Variants in ETV6 observed in about 807,000 individuals in gnomAD.
ETV6 encodes the protein ETS variant transcription factor 6.
ETV6 carries 16 observed loss-of-function variants against 51.1 expected under a neutral mutation model. That is an observed-to-expected ratio of 0.31 (90% CI 0.21 to 0.48). ETV6 has a LOEUF of 0.48. ETV6 is among the 20% of genes least tolerant of loss of function. The probability of loss-of-function intolerance (pLI) is 0.99; values close to 1 mark genes in which losing one functional copy is unlikely to be tolerated. For synonymous variants in ETV6, 240 were observed against 224.1 expected (o/e 1.07, Z -0.64); for missense variants, 458 against 594.8 (o/e 0.77, Z 2.39).
At chr12:11,678,083 A>G (rs1001775738) in intron 1 of ETV6, among the ~76,000 whole-genome samples, 2 of 152,174 alleles carry the variant, frequency 1.3e-5, no homozygotes, top group African/African-American at 4.8e-5. Context: ...CCAGCACTTG[A>G]CACATGGCTG....
At chr12:11,737,692 TG>T (rs2121004109) in intron 1 of ETV6, among the ~76,000 whole-genome samples, 1 of 152,354 alleles carries the variant, frequency 6.6e-6, no homozygotes, top group African/African-American at 2.4e-5. Context: ...CATCGGTCTT[TG>T]AACCTAGGTC....
chr12:11,662,845 G>A (rs1032948934), intron 1 of ETV6, among the ~76,000 whole-genome samples: 28 of 152,294 alleles, frequency 1.8e-4, no homozygotes, highest in African/African-American at 6.7e-4. Context: ...TCTTCCTAGG[G>A]TCTCATATTA....
intron 2 of ETV6, among the ~76,000 whole-genome samples, chr12:11,809,045 G>T (rs775366711): frequency 6.6e-6 from 1 of 151,994 alleles, no homozygotes; most frequent in Non-Finnish European, 1.5e-5. Context: ...CGCGCCTGTA[G>T]TCCCAGCTTC....
At chr12:11,830,488 T>C (rs77696646) in intron 2 of ETV6, among the ~76,000 whole-genome samples, 1,811 of 152,316 alleles carry the variant, frequency 0.012, 35 homozygotes, top group African/African-American at 0.041. Context: ...GCAGAATAGA[T>C]GATGGCATGA....
intron 1 of ETV6, among the ~76,000 whole-genome samples, chr12:11,739,728 G>A (rs138404158): frequency 1.6e-3 from 241 of 152,240 alleles, no homozygotes; most frequent in African/African-American, 5.7e-3. Context: ...TGGCCACATT[G>A]AGTTAGGTGT....
chr12:11,768,018 G>A (rs1945187499), intron 2 of ETV6, among the ~76,000 whole-genome samples: 1 of 152,108 alleles, frequency 6.6e-6, no homozygotes, highest in African/African-American at 2.4e-5. Context: ...GGAACACTCA[G>A]GATATTTCCA....
chr12:11,685,218 C>A (rs1245230943), intron 1 of ETV6, among the ~76,000 whole-genome samples: 1 of 149,952 alleles, frequency 6.7e-6, no homozygotes. Context: ...CTTAACTTTT[C>A]AACAGGGTAA....
At chr12:11,669,946 C>A (rs1477112242) in intron 1 of ETV6, among the ~76,000 whole-genome samples, 1 of 151,152 alleles carries the variant, frequency 6.6e-6, no homozygotes, top group Non-Finnish European at 1.5e-5. Flanking sequence ...CGGCCATTCA[C>A]TCATCTTCAC....
intron 1 of ETV6, among the ~76,000 whole-genome samples, chr12:11,695,922 G>A (rs1282907993): frequency 6.6e-6 from 1 of 152,068 alleles, no homozygotes; most frequent in Non-Finnish European, 1.5e-5. Context: ...ATCGACTCAT[G>A]GAATATTAGA....
intron 5 of ETV6, among the ~76,000 whole-genome samples, chr12:11,876,465 G>C (rs548710204): frequency 6.6e-6 from 1 of 152,262 alleles, no homozygotes; most frequent in East Asian, 1.9e-4. Context: ...AATCTTAAAC[G>C]AACACTTTTC....
At chr12:11,662,624 G>C (rs11832161) in intron 1 of ETV6, among the ~76,000 whole-genome samples, 4,075 of 152,294 alleles carry the variant, frequency 0.027, 177 homozygotes, top group African/African-American at 0.093. Context: ...CTGCCTCTTG[G>C]TTGGCTTATA....
At chr12:11,788,994 T>C (rs1945534109) in intron 2 of ETV6, among the ~76,000 whole-genome samples, 1 of 152,104 alleles carries the variant, frequency 6.6e-6, no homozygotes, top group African/African-American at 2.4e-5. Flanking sequence ...TTCCCTGGAG[T>C]TGATAATGAT....
intron 2 of ETV6, among the ~76,000 whole-genome samples, chr12:11,823,469 CTTT>C (rs756553588): frequency 1.6e-4 from 22 of 137,532 alleles, no homozygotes; most frequent in African/African-American, 3.5e-4. Flanking sequence ...TCCTTTTTTT[CTTT>C]TTTTTTTTTT....
rs1026816338 is a variant in ETV6, at chr12:11,893,251, T to G, written c.*2205T>G. On this transcript the variant is annotated 3_prime_UTR_variant, in exon 8 of 8. Coordinates refer to ENST00000396373, the MANE Select transcript of ETV6 (RefSeq NM_001987.5). ...AGAAAGGGATTTTTTACTGCATCCC[T>G]CTGTATGAATATGAAATCAGAGACC... 4.3e-6 allele frequency: 1 copy of G among 232,572 alleles called. No individual in the cohort carries two copies. The highest frequency in any genetic ancestry group is 2.2e-5 in the African/African-American group (1 of 45,290). 14.4% of individuals were successfully genotyped at this position (232,572 alleles called of 1,614,324 possible). A position where few individuals can be genotyped will look rare whatever the true frequency, so the allele number is the denominator to read the frequency against.
At chr12:11,751,222 C>T (rs915810505) in intron 1 of ETV6, among the ~76,000 whole-genome samples, 7 of 152,120 alleles carry the variant, frequency 4.6e-5, no homozygotes, top group Admixed American at 3.3e-4. Flanking sequence ...GGTTATAGGC[C>T]GAGGACTCCG....
chr12:11,729,081 A>G (rs1332686529), intron 1 of ETV6, among the ~76,000 whole-genome samples: 2 of 152,222 alleles, frequency 1.3e-5, no homozygotes, highest in South Asian at 2.1e-4. Context: ...CTGAAGCAAC[A>G]GTTTAAGGCT....
chr12:11,840,632 C>G, intron 3 of ETV6: 1 of 397,208 alleles, frequency 2.5e-6, no homozygotes, highest in African/African-American at 2.1e-5. Flanking sequence ...GCCCCAGCAC[C>G]CGTATCTCCA....
chr12:11,890,901 A>G (rs1443202661), intron 7 of ETV6, 40 bp from the exon 8 acceptor site: 2 of 1,506,334 alleles, frequency 1.3e-6, no homozygotes, highest in Non-Finnish European at 1.8e-6. Context: ...CAGCTTTAGG[A>G]AAATGGAATC....
chr12:11,658,401 A>G (rs928810993), intron 1 of ETV6, among the ~76,000 whole-genome samples: 2 of 152,118 alleles, frequency 1.3e-5, no homozygotes, highest in Admixed American at 1.3e-4. Flanking sequence ...CACCTGGCCA[A>G]TTTTTGTATT....
Sources: gnomAD v4.1 joint callset for allele counts (sites outside exome capture counted in the v4.1 genomes callset) on GRCh38, gnomAD v4.1.1 for gene constraint, MANE v1.5 for transcripts, NCBI Gene and HGNC (gene_info 2026-07-23, HGNC 2026-07-21) for gene names.